HS3ST3A1: variants seen among roughly 807,000 people sequenced by gnomAD.
HS3ST3A1 encodes the protein heparan sulfate-glucosamine 3-sulfotransferase 3A1.
In HS3ST3A1, 19 loss-of-function variants were observed where a neutral mutation model predicts 25.7. The ratio of observed to expected loss-of-function variants is 0.74; its 90% CI spans 0.52 to 1.08. The LOEUF is 1.08. Among genes scored for constraint, HS3ST3A1 ranks in the 50% least tolerant of loss-of-function variants. The pLI is 0.00. For missense variants in HS3ST3A1, 459 were observed against 594.3 expected (o/e 0.77, Z 2.37); for synonymous variants, 226 against 278.6 (o/e 0.81, Z 1.88).
chr17:13,562,663 G>A (rs1416404256), intron 1 of HS3ST3A1, among the ~76,000 whole-genome samples: 1 of 152,066 alleles, frequency 6.6e-6, no homozygotes, highest in Non-Finnish European at 1.5e-5. Context: ...GCCAGGCAGA[G>A]AATTTATGAG....
At chr17:13,522,999 G>C (rs1319105351) in intron 1 of HS3ST3A1, among the ~76,000 whole-genome samples, 1 of 152,000 alleles carries the variant, frequency 6.6e-6, no homozygotes, top group Non-Finnish European at 1.5e-5. Flanking sequence ...TAGGGTGAGT[G>C]AGAAATGCCG....
intron 1 of HS3ST3A1, among the ~76,000 whole-genome samples, chr17:13,576,921 G>A (rs1318282667): frequency 3.9e-5 from 6 of 152,158 alleles, no homozygotes; most frequent in African/African-American, 7.2e-5. Flanking sequence ...TCATGCTGCT[G>A]ATAAAGACAT....
chr17:13,528,987 A>C (rs1906519980), intron 1 of HS3ST3A1, among the ~76,000 whole-genome samples: 1 of 152,140 alleles, frequency 6.6e-6, no homozygotes, highest in South Asian at 2.1e-4. Context: ...CAACATAAAC[A>C]GCTGTCACAA....
At chr17:13,518,138 T>A (rs1598411657) in intron 1 of HS3ST3A1, among the ~76,000 whole-genome samples, 1 of 152,200 alleles carries the variant, frequency 6.6e-6, no homozygotes, top group Non-Finnish European at 1.5e-5. Flanking sequence ...ACAGTCTGAC[T>A]TGTACAAATT....
rs191822598 is a variant in HS3ST3A1 at position 13,569,354 on chromosome 17, T to C, written c.599+31177A>G. The stretch of plus-strand genomic sequence containing the variant: ...AAAGAAGAGAGAAGTAGATCACTTC[T>C]TTCTTCAGCTCAGTCCCTCTTATTG... On this transcript the variant is annotated intron_variant, in intron 1 of 1. Transcript: ENST00000284110. Among the ~76,000 whole-genome samples the C allele has an allele frequency of 1.5e-3, 234 of 152,362 alleles. 1 individual carries two copies. Among genetic ancestry groups the C allele is most frequent in the Non-Finnish European group, 2.7e-3 (182 of 68,032 alleles).
intron 1 of HS3ST3A1, among the ~76,000 whole-genome samples, chr17:13,593,233 C>CAAAAAAAAAAAAAAAAAAAA (rs5819419): frequency 9.7e-6 from 1 of 103,186 alleles, no homozygotes; most frequent in African/African-American, 3.6e-5. Context: ...TGTTTGTAGC[C>CAAAAAAAAAAAAAAAAAAAA]AAAAAAAAAA....
chr17:13,569,670 T>C (rs1263797902), intron 1 of HS3ST3A1, among the ~76,000 whole-genome samples: 3 of 152,252 alleles, frequency 2.0e-5, no homozygotes, highest in Non-Finnish European at 4.4e-5. Flanking sequence ...GTTCATTTTT[T>C]ACAACTATCA....
intron 1 of HS3ST3A1, among the ~76,000 whole-genome samples, chr17:13,592,231 T>A (rs992749089): frequency 2.0e-5 from 3 of 152,194 alleles, no homozygotes; most frequent in African/African-American, 7.2e-5. Flanking sequence ...CTTGGACAAG[T>A]TATTTCATCT....
At chr17:13,572,649 C>T (rs1343297740) in intron 1 of HS3ST3A1, among the ~76,000 whole-genome samples, 1 of 152,178 alleles carries the variant, frequency 6.6e-6, no homozygotes, top group Non-Finnish European at 1.5e-5. Context: ...GAGGTCCAGG[C>T]TGTGTTTTAA....
chr17:13,600,214 G>T (rs971574960), intron 1 of HS3ST3A1, among the ~76,000 whole-genome samples: 5 of 138,056 alleles, frequency 3.6e-5, no homozygotes, highest in African/African-American at 1.7e-4. Flanking sequence ...ATTTAGAAGA[G>T]ACTTTTTTTT....
chr17:13,539,060 C>T (rs916233211), intron 1 of HS3ST3A1, among the ~76,000 whole-genome samples: 1 of 152,194 alleles, frequency 6.6e-6, no homozygotes, highest in East Asian at 1.9e-4. Flanking sequence ...GAGGTGGCTT[C>T]ACTCACATAT....
chr17:13,514,026 T>C (rs1905966904), intron 1 of HS3ST3A1, among the ~76,000 whole-genome samples: 1 of 152,136 alleles, frequency 6.6e-6, no homozygotes, highest in Non-Finnish European at 1.5e-5. Flanking sequence ...GATTTTTTAA[T>C]ATTTTAATAC....
At chr17:13,502,847 G>C (rs948879818) in intron 1 of HS3ST3A1, among the ~76,000 whole-genome samples, 4 of 148,132 alleles carry the variant, frequency 2.7e-5, no homozygotes, top group African/African-American at 1.0e-4. Flanking sequence ...AGGAGGTAAA[G>C]TTTTGTTAAT....
chr17:13,514,794 G>T (rs940103008), intron 1 of HS3ST3A1, among the ~76,000 whole-genome samples: 7 of 152,184 alleles, frequency 4.6e-5, no homozygotes, highest in African/African-American at 1.7e-4. Context: ...TCAGATGGTG[G>T]TGTTGGTTAT....
chr17:13,573,032 GT>G (rs1303209512), intron 1 of HS3ST3A1, among the ~76,000 whole-genome samples: 2 of 152,132 alleles, frequency 1.3e-5, no homozygotes, highest in African/African-American at 4.8e-5. Flanking sequence ...CTCCACTAAA[GT>G]TTTTCCACTG....
rs1488629820 is a variant in HS3ST3A1 at position 13,600,716 on chromosome 17, C to T, written c.414G>A (p.Pro138=). Residue 138 remains proline (P), a synonymous_variant, in exon 1 of 2, where the codon CCG becomes CCA. Coordinates refer to ENST00000284110, the MANE Select transcript of HS3ST3A1 (RefSeq NM_006042.3). ...CGTCCAGGAGCAGCGCCAGGGTCCC[C>T]GGCGGGGCCTCGGCCACGGTGCTTC... ...GAGSTVAEAP[P]GTLALLLDEG... 6.4e-7 allele frequency: 1 copy of T among 1,554,772 alleles called. No individual in the cohort carries two copies.
At chr17:13,529,983 GCAAT>G (rs529196511) in intron 1 of HS3ST3A1, among the ~76,000 whole-genome samples, 4 of 144,980 alleles carry the variant, frequency 2.8e-5, no homozygotes, top group South Asian at 2.3e-4. Flanking sequence ...AACCACAACA[GCAAT>G]CAATCAATTT....
chr17:13,569,304 G>A (rs777155772), intron 1 of HS3ST3A1, among the ~76,000 whole-genome samples: 1 of 152,120 alleles, frequency 6.6e-6, no homozygotes, highest in Non-Finnish European at 1.5e-5. Flanking sequence ...TTTATGCAGC[G>A]TTCTTTTGTG....
intron 1 of HS3ST3A1, among the ~76,000 whole-genome samples, chr17:13,536,886 G>A (rs1906787040): frequency 6.6e-6 from 1 of 152,050 alleles, no homozygotes; most frequent in Non-Finnish European, 1.5e-5. Context: ...ACTGCCCTGG[G>A]CCCTGAAAAT....
Sources: gnomAD v4.1 joint callset for allele counts (sites outside exome capture counted in the v4.1 genomes callset) on GRCh38, gnomAD v4.1.1 for gene constraint, MANE v1.5 for transcripts, NCBI Gene and HGNC (gene_info 2026-07-23, HGNC 2026-07-21) for gene names.